The following ADCY8 variants were observed in gnomAD, a reference collection of about 807,000 sequenced individuals.
ADCY8 encodes the protein adenylate cyclase 8.
A neutral mutation model predicts 119.7 loss-of-function variants in ADCY8; 51 were observed. The observed-to-expected ratio is 0.43, with a 90% CI of 0.34 to 0.54. The LOEUF is 0.54. ADCY8 is among the 20% of genes least tolerant of loss of function. The probability of loss-of-function intolerance (pLI) is 0.03; values close to 1 mark genes in which losing one functional copy is unlikely to be tolerated. For synonymous variants in ADCY8, 665 were observed against 651.0 expected (o/e 1.02, Z -0.33); for missense variants, 1,383 against 1,598.8 (o/e 0.87, Z 2.30).
intron 5 of ADCY8, among the ~76,000 whole-genome samples, chr8:130,923,641 C>T (rs193062022): frequency 1.2e-4 from 19 of 152,282 alleles, no homozygotes; most frequent in Admixed American, 3.9e-4. Context: ...ATCTTCTCAA[C>T]GATCAGGACT....
rs1044114505 is a variant in ADCY8 at position 130,954,481 on chromosome 8, G to A, written c.1111-2483C>T. Among the ~76,000 whole-genome samples, 8 of 152,166 alleles carry A rather than the reference G, an allele frequency of 5.3e-5. No individual in the cohort carries two copies. The South Asian group carries it at 1.7e-3, about 32-fold the overall frequency. On this transcript the variant is annotated intron_variant, in intron 2 of 17. Coordinates refer to ENST00000286355, the MANE Select transcript of ADCY8 (RefSeq NM_001115.3). Reference sequence around the variant, plus strand: ...AGGTTCATAAAAGTGCAGCTGCCCTGACCCCACCCACACCTACTGAATTGG... The same window carrying A: ...AGGTTCATAAAAGTGCAGCTGCCCTAACCCCACCCACACCTACTGAATTGG...
intron 5 of ADCY8, among the ~76,000 whole-genome samples, chr8:130,931,454 G>A (rs1044886468): frequency 1.3e-5 from 2 of 152,020 alleles, no homozygotes; most frequent in East Asian, 1.9e-4. Context: ...GGAGATCTTT[G>A]ACTTTCATGT....
chr8:130,929,334 GT>G lies in ADCY8; in HGVS notation c.1481+7738del, dbSNP rs375588353. Among the ~76,000 whole-genome samples the G allele has an allele frequency of 2.7e-4, 41 of 152,034 alleles. No homozygotes were observed. The East Asian group carries it at 7.4e-3, about 27-fold the overall frequency. On this transcript the variant is annotated intron_variant, in intron 5 of 17. Transcript: ENST00000286355. Reference sequence around the variant, plus strand: ...CTTTGCTGTATCCCATAAGTTTGTTGTTTTCCAATTTTGTCTCAAGAAATTT... The same window carrying G: ...CTTTGCTGTATCCCATAAGTTTGTTGTTTCCAATTTTGTCTCAAGAAATTT...
chr8:130,981,838 T>C (rs1822249310), intron 2 of ADCY8, among the ~76,000 whole-genome samples: 3 of 152,204 alleles, frequency 2.0e-5, no homozygotes, highest in African/African-American at 7.2e-5. Context: ...AGTTCAAGGA[T>C]CAGCCATGAC....
chr8:130,800,575 G>A lies in ADCY8; in HGVS notation c.2914-3C>T. 1 of 1,613,842 alleles carries A rather than the reference G, an allele frequency of 6.2e-7. No individual in the cohort carries two copies. The highest frequency in any genetic ancestry group is 8.5e-7 in the Non-Finnish European group (1 of 1,179,820). Reference sequence around the variant, plus strand: ...TCATAGGATTGAGAATACAGCTCCTGGACAGAGACACACAGAGGGCACCAG... The same window carrying A: ...TCATAGGATTGAGAATACAGCTCCTAGACAGAGACACACAGAGGGCACCAG... On this transcript the variant is annotated splice_region_variant and splice_polypyrimidine_tract_variant and intron_variant, in intron 14 of 17. Transcript: ENST00000286355.
intron 8 of ADCY8, among the ~76,000 whole-genome samples, chr8:130,868,267 A>G (rs1388767706): frequency 1.3e-5 from 2 of 152,214 alleles, no homozygotes; most frequent in Admixed American, 6.5e-5. Flanking sequence ...GACTTTCTTC[A>G]TGAGTAAACT....
chr8:130,793,932 A>C (rs1197692271), intron 15 of ADCY8, among the ~76,000 whole-genome samples: 1 of 152,210 alleles, frequency 6.6e-6, no homozygotes, highest in South Asian at 2.1e-4. Flanking sequence ...TTTGGAAATA[A>C]GTTTTTTGCA....
At chr8:130,892,685 G>A (rs1433226998) in intron 7 of ADCY8, 1 of 152,242 alleles carries the variant, frequency 6.6e-6, no homozygotes, top group East Asian at 1.9e-4. Context: ...CTACTCCTGG[G>A]TCATGGCTTT....
intron 17 of ADCY8, among the ~76,000 whole-genome samples, 161 bp from the exon 18 acceptor site, chr8:130,781,038 G>T (rs1181971935): frequency 1.3e-5 from 2 of 152,126 alleles, no homozygotes; most frequent in African/African-American, 4.8e-5. Context: ...TATCACCTGG[G>T]TCAGTTAATT....
rs10091502 is a variant in ADCY8 at position 130,786,345 on chromosome 8, C to T, written c.3061-870G>A. Among the ~76,000 whole-genome samples, 543 of 152,218 alleles carry T rather than the reference C, an allele frequency of 3.6e-3. 1 individual carries two copies. The highest frequency in any genetic ancestry group is 0.012 in the African/African-American group (513 of 41,528). ...TTTACCTGTGGTTTCGGTTTTAATG[C>T]TAAGAGAGGGAAACCTTGGTGTCTT... is the stretch of plus-strand genomic sequence containing the variant. On this transcript the variant is annotated intron_variant, in intron 15 of 17. Transcript: ENST00000286355.
intron 5 of ADCY8, among the ~76,000 whole-genome samples, chr8:130,931,981 T>C (rs1387957814): frequency 6.6e-6 from 1 of 152,208 alleles, no homozygotes; most frequent in African/African-American, 2.4e-5. Context: ...TATCTCTTAG[T>C]GATGTCATAT....
chr8:130,784,546 T>C lies in ADCY8; in HGVS notation c.3154-741A>G, dbSNP rs536751562. ...CCAATATTTTAAGGTTTGTCGACCA[T>C]ATGGTCTTTGTTGTGACACTCAACA... On this transcript the variant is annotated intron_variant, in intron 16 of 17. Transcript: ENST00000286355. Among the ~76,000 whole-genome samples, 12 of 152,336 alleles carry C rather than the reference T, an allele frequency of 7.9e-5. No homozygotes were observed. In the South Asian group the frequency reaches 2.3e-3, roughly 29 times the overall value.
At chr8:130,971,183 G>A (rs934621760) in intron 2 of ADCY8, among the ~76,000 whole-genome samples, 1 of 152,162 alleles carries the variant, frequency 6.6e-6, no homozygotes, top group Non-Finnish European at 1.5e-5. Context: ...AGTGGTCATT[G>A]TCATGTTAAT....
intron 3 of ADCY8, 35 bp from the exon 4 acceptor site, chr8:130,943,497 G>GGGGACC: frequency 4.1e-6 from 2 of 491,352 alleles, no homozygotes; most frequent in Non-Finnish European, 4.2e-6. Flanking sequence ...GTGGGGGGAG[G>GGGGACC]AAGTATATTA....
Position 130,846,891 on chromosome 8 carries a change from CCTTCCTTCCTTCCTT to C in ADCY8, c.2502+518_2502+532del, listed in dbSNP as rs1563689856. 5.9e-4 allele frequency among the ~76,000 whole-genome samples: 32 copies of C among 53,786 alleles called. 1 individual carries two copies. The highest frequency in any genetic ancestry group is 4.8e-3 in the South Asian group (5 of 1,052). The allele number at this position is 53,786 out of a possible 152,430, so 35.3% of individuals were successfully genotyped here. A position where few individuals can be genotyped will look rare whatever the true frequency, so the allele number is the denominator to read the frequency against. ...CCTTCCCTTCCCTTCCCTTCCCTTT[CCTTCCTTCCTTCCTT>C]CCTTCCTTCCTTCCTTCCTTCCTTC... On this transcript the variant is annotated intron_variant, in intron 11 of 17. Transcript: ENST00000286355.
chr8:130,834,086 C>T (rs567093270), intron 12 of ADCY8, among the ~76,000 whole-genome samples: 1 of 152,222 alleles, frequency 6.6e-6, no homozygotes, highest in Non-Finnish European at 1.5e-5. Context: ...TGAAGTAATG[C>T]ATATGTTAAT....
chr8:130,870,797 C>T (rs1249711438), intron 8 of ADCY8, among the ~76,000 whole-genome samples: 6 of 152,094 alleles, frequency 3.9e-5, no homozygotes, highest in Non-Finnish European at 1.5e-5. Context: ...CTTCAGATGG[C>T]AAATTGGGTG....
intron 5 of ADCY8, among the ~76,000 whole-genome samples, chr8:130,910,883 C>A (rs565333818): frequency 6.3e-4 from 96 of 152,138 alleles, no homozygotes; most frequent in South Asian, 1.0e-3. Flanking sequence ...GTCATTTATG[C>A]AGAAAATCAA....
Position 131,040,276 on chromosome 8 carries a change from G to A in ADCY8, c.58C>T (p.Pro20Ser). The change falls in exon 1 of 18, where the codon CCG (proline) becomes TCG (serine). Residue 20 changes from proline (P) to serine (S), a missense_variant. By Grantham distance (74) the Pro-to-Ser change is moderately conservative. Coordinates refer to ENST00000286355, the MANE Select transcript of ADCY8 (RefSeq NM_001115.3). Reference protein sequence around the residue: ...TGSEELYTIHPTPPAGDGRSA... With the variant: ...TGSEELYTIHSTPPAGDGRSA... ...CTGCCGTCGCCGGCCGGGGGCGTCGGGTGGATGGTGTAGAGTTCCTCGCTG... is the reference window on the plus strand; with the variant it reads ...CTGCCGTCGCCGGCCGGGGGCGTCGAGTGGATGGTGTAGAGTTCCTCGCTG... The A allele has an allele frequency of 6.4e-7, 1 of 1,567,324 alleles. No homozygotes were observed. Among genetic ancestry groups the A allele is most frequent in the Non-Finnish European group, 8.6e-7 (1 of 1,163,116 alleles).
Sources: gnomAD v4.1 joint callset for allele counts (sites outside exome capture counted in the v4.1 genomes callset) on GRCh38, gnomAD v4.1.1 for gene constraint, MANE v1.5 for transcripts, NCBI Gene and HGNC (gene_info 2026-07-23, HGNC 2026-07-21) for gene names.